TRAPPC13: variants seen among roughly 807,000 people sequenced by gnomAD.
TRAPPC13 encodes the protein REV7-interacting novel NHEJ regulator 1.
Under a neutral mutation model 54.0 loss-of-function variants are expected in TRAPPC13, and 39 were observed. The observed-to-expected ratio is 0.72, with a 90% CI of 0.56 to 0.94. The LOEUF is 0.94. TRAPPC13 is among the 40% of genes least tolerant of loss of function. The pLI, the probability that TRAPPC13 is intolerant of heterozygous loss-of-function variation, is 0.00. For missense variants in TRAPPC13, 386 were observed against 488.1 expected (o/e 0.79, Z 1.97); for synonymous variants, 148 against 167.7 (o/e 0.88, Z 0.91).
intron 4 of TRAPPC13, among the ~76,000 whole-genome samples, chr5:65,643,491 A>G (rs1756051975): frequency 6.6e-6 from 1 of 152,020 alleles, no homozygotes; most frequent in Non-Finnish European, 1.5e-5. Context: ...TTCTATATAT[A>G]TATTCTAAAA....
chr5:65,660,496 G>A (rs1011529608), intron 9 of TRAPPC13, among the ~76,000 whole-genome samples: 1 of 150,844 alleles, frequency 6.6e-6, no homozygotes, highest in African/African-American at 2.4e-5. Flanking sequence ...CAAGATTTTC[G>A]ATATCAACTG....
intron 6 of TRAPPC13, among the ~76,000 whole-genome samples, 162 bp from the exon 7 acceptor site, chr5:65,652,339 C>CTTTTTTTTTTT (rs11354403): frequency 1.7e-5 from 2 of 116,234 alleles, no homozygotes; most frequent in African/African-American, 6.3e-5. Context: ...TTTTTCTTTT[C>CTTTTTTTTTTT]TTTTTTTTTT....
At chr5:65,660,674 C>T in intron 9 of TRAPPC13, 25 bp from the exon 10 acceptor site, 1 of 1,534,592 alleles carries the variant, frequency 6.5e-7, no homozygotes, top group South Asian at 1.3e-5. Flanking sequence ...AGAATTTTCT[C>T]CGTCTCTGTC....
rs754163186 is a variant in TRAPPC13, at chr5:65,660,808, G to A, written c.808G>A (p.Gly270Arg). Residue 270 changes from glycine (G) to arginine (R), a missense_variant, in exon 10 of 13, where the codon GGA becomes AGA. Gly to Arg is a moderately radical substitution (Grantham distance 125). Coordinates refer to ENST00000399438, the MANE Select transcript of TRAPPC13 (RefSeq NM_024941.4). ...TGCAGAAAAAGCAGGCATCATTAAG[G>A]GAGTAACAGTAATTGGAAAATTGGA... ...EFAEKAGIIK[G>R]VTVIGKLDIV... The A allele has an allele frequency of 1.9e-6, 3 of 1,613,786 alleles. No individual in the cohort carries two copies. The South Asian group carries it at 3.3e-5, about 18-fold the overall frequency.
At chr5:65,633,201 TA>T (rs1755610665) in intron 1 of TRAPPC13, among the ~76,000 whole-genome samples, 1 of 152,202 alleles carries the variant, frequency 6.6e-6, no homozygotes, top group African/African-American at 2.4e-5. Flanking sequence ...GGTACATTTT[TA>T]CATATGCTAG....
At chr5:65,629,416 G>A (rs968807263) in intron 1 of TRAPPC13, 3 of 1,269,042 alleles carry the variant, frequency 2.4e-6, no homozygotes, top group Non-Finnish European at 3.0e-6. Flanking sequence ...CTGCCTGTTG[G>A]TAGGCAGGGT....
At chr5:65,655,388 A>G (rs1322478205) in intron 7 of TRAPPC13, among the ~76,000 whole-genome samples, 3 of 152,162 alleles carry the variant, frequency 2.0e-5, no homozygotes, top group East Asian at 1.9e-4. Context: ...ACAGTTTGCT[A>G]CTGTTGAGTA....
chr5:65,644,490 GT>G (rs552801901), intron 4 of TRAPPC13, among the ~76,000 whole-genome samples: 56 of 152,234 alleles, frequency 3.7e-4, no homozygotes, highest in Admixed American at 7.2e-4. Context: ...AAAAACTGCA[GT>G]TATGATTAAA....
At position 65,628,558 on chromosome 5, in the gene TRAPPC13, A is replaced by G. The variant is rs528713775; in HGVS notation, c.46+3452A>G. Reference sequence around the variant, plus strand: ...CGATCTCAGTTCACTGCAAACCTCAACCTCCCGGGTTCAAGCGATTCTCCT... The same window carrying G: ...CGATCTCAGTTCACTGCAAACCTCAGCCTCCCGGGTTCAAGCGATTCTCCT... On this transcript the variant is annotated intron_variant, in intron 1 of 12. Transcript: ENST00000399438. Among the ~76,000 whole-genome samples, 13 of 150,984 alleles carry G rather than the reference A, an allele frequency of 8.6e-5. No homozygotes were observed. In the South Asian group the frequency reaches 2.1e-3, roughly 24 times the overall value.
At chr5:65,641,789 A>G (rs1010853871) in intron 4 of TRAPPC13, among the ~76,000 whole-genome samples, 3 of 151,700 alleles carry the variant, frequency 2.0e-5, no homozygotes, top group African/African-American at 7.3e-5. Flanking sequence ...TATTCTTTGA[A>G]CGATTTGTAG....
chr5:65,625,458 A>G (rs1755169419), intron 1 of TRAPPC13: 1 of 283,886 alleles, frequency 3.5e-6, no homozygotes, highest in Admixed American at 5.0e-5. Context: ...TTCCTGTGGC[A>G]CTGACGAAGT....
At chr5:65,661,017 A>T (rs1008741788) in intron 10 of TRAPPC13, 120 bp downstream of exon 10, 1 of 740,492 alleles carries the variant, frequency 1.4e-6, no homozygotes, top group Non-Finnish European at 2.2e-6. Context: ...CATTACTACT[A>T]CTGGAGCAGA....
chr5:65,634,650 G>A (rs1414902313), intron 1 of TRAPPC13, among the ~76,000 whole-genome samples: 1 of 151,940 alleles, frequency 6.6e-6, no homozygotes, highest in African/African-American at 2.4e-5. Flanking sequence ...CAGCACTTTG[G>A]GAGGCCAAGG....
intron 1 of TRAPPC13, among the ~76,000 whole-genome samples, chr5:65,631,501 T>A (rs1237187318): frequency 6.6e-6 from 1 of 152,158 alleles, no homozygotes; most frequent in Non-Finnish European, 1.5e-5. Flanking sequence ...ACCCAATAGG[T>A]AGTTTTTTAG....
chr5:65,635,057 G>C, intron 1 of TRAPPC13: 1 of 544,876 alleles, frequency 1.8e-6, no homozygotes, highest in Non-Finnish European at 2.3e-6. Flanking sequence ...AATGCATATT[G>C]TATTTACATT....
intron 4 of TRAPPC13, among the ~76,000 whole-genome samples, chr5:65,640,987 G>A (rs2150672996): frequency 6.6e-6 from 1 of 151,786 alleles, no homozygotes; most frequent in East Asian, 1.9e-4. Flanking sequence ...AGGCTGGAGT[G>A]CAGTAGCATG....
At chr5:65,626,669 G>A (rs973622905) in intron 1 of TRAPPC13, among the ~76,000 whole-genome samples, 15 of 151,908 alleles carry the variant, frequency 9.9e-5, no homozygotes, top group African/African-American at 3.6e-4. Flanking sequence ...CCGGGAGGCG[G>A]AGCTTGCAGT....
chr5:65,648,602 G>A (rs1756298382), intron 5 of TRAPPC13, among the ~76,000 whole-genome samples: 1 of 152,104 alleles, frequency 6.6e-6, no homozygotes, highest in African/African-American at 2.4e-5. Context: ...CCTCTACCTT[G>A]CTATACTATT....
At chr5:65,629,939 G>T (rs187895776) in intron 1 of TRAPPC13, 203 of 1,536,004 alleles carry the variant, frequency 1.3e-4, no homozygotes, top group Non-Finnish European at 1.6e-4. Context: ...TGGAAATCTG[G>T]GTAAACAATC....
Sources: gnomAD v4.1 joint callset for allele counts (sites outside exome capture counted in the v4.1 genomes callset) on GRCh38, gnomAD v4.1.1 for gene constraint, MANE v1.5 for transcripts, NCBI Gene and HGNC (gene_info 2026-07-23, HGNC 2026-07-21) for gene names.